The following PLPP7 variants were observed in gnomAD, a reference collection of about 807,000 sequenced individuals.
PLPP7 encodes the protein inactive phospholipid phosphatase 7.
PLPP7 carries 11 observed loss-of-function variants against 16.9 expected under a neutral mutation model. The observed-to-expected ratio is 0.65, with a 90% CI of 0.41 to 1.08. The LOEUF (loss-of-function observed/expected upper bound fraction) is 1.08. Ranked by LOEUF, PLPP7 falls within the 50% of genes least tolerant of loss-of-function variation. The probability of loss-of-function intolerance (pLI) is 0.00; values close to 1 mark genes in which losing one functional copy is unlikely to be tolerated. For missense variants in PLPP7, 358 were observed against 397.1 expected, an observed-to-expected ratio of 0.90 and a Z score of 0.84; for synonymous variants, 174 against 175.1, an observed-to-expected ratio of 0.99 and a Z score of 0.05.
chr9:131,299,255 A>T (rs541040233), intron 1 of PLPP7, among the ~76,000 whole-genome samples: 31 of 152,258 alleles, frequency 2.0e-4, no homozygotes, highest in African/African-American at 7.2e-4. Context: ...AAACGTGCAC[A>T]TAGCAGGTCC....
Position 131,290,590 on chromosome 9 carries a change from C to G in PLPP7, c.451+142C>G, listed in dbSNP as rs1206405825. On this transcript the variant is annotated intron_variant, in intron 1 of 1. Coordinates refer to ENST00000372264, the MANE Select transcript of PLPP7 (RefSeq NM_032728.4). The surrounding 1 kb of genome is among the most constrained non-coding windows in gnomAD (Gnocchi z 4.2). ...AATGAGGTTAGGCAGGAAGGGTGCC[C>G]CAGAAACAGGCAGGCTCCGGCGTGG... 5.2e-6 allele frequency: 4 copies of G among 773,356 alleles called. No homozygotes were observed. In the Admixed American group the frequency reaches 1.4e-4, roughly 26 times the overall value. 47.9% of individuals were successfully genotyped at this position (773,356 alleles called of 1,614,324 possible). A position where few individuals can be genotyped will look rare whatever the true frequency, so the allele number is the denominator to read the frequency against.
chr9:131,301,165 C>G (rs1419382651), intron 1 of PLPP7, among the ~76,000 whole-genome samples: 3 of 152,092 alleles, frequency 2.0e-5, no homozygotes, highest in Non-Finnish European at 4.4e-5. Flanking sequence ...GATGGGTTTT[C>G]TCCATGTTGG....
At position 131,290,022 on chromosome 9, in the gene PLPP7, C is replaced by T. The variant is rs745616993; in HGVS notation, c.25C>T (p.Arg9Cys). Residue 9 changes from arginine to cysteine, a missense_variant, in exon 1 of 2, where the codon CGT (arginine) becomes TGT (cysteine). Physicochemically the swap from Arg to Cys is radical, Grantham distance 180. Transcript: ENST00000372264. The surrounding 1 kb of genome is among the most constrained non-coding windows in gnomAD (Gnocchi z 4.2). Reference sequence around the variant, plus strand: ...CATGCCAGCTTCCCAGAGCCGGGCCCGTGCCCGGGACCGCAACAACGTCCT... The same window carrying T: ...CATGCCAGCTTCCCAGAGCCGGGCCTGTGCCCGGGACCGCAACAACGTCCT... MPASQSRA[R>C]ARDRNNVLNR... 9.8e-6 allele frequency: 14 copies of T among 1,432,924 alleles called. No individual in the cohort carries two copies. In the East Asian group the frequency reaches 2.4e-4, roughly 24 times the overall value. 88.8% of individuals were successfully genotyped at this position (1,432,924 alleles called of 1,614,324 possible). A position where few individuals can be genotyped will look rare whatever the true frequency, so the allele number is the denominator to read the frequency against.
At chr9:131,304,342 G>A (rs576389436) in intron 1 of PLPP7, among the ~76,000 whole-genome samples, 1 of 152,332 alleles carries the variant, frequency 6.6e-6, no homozygotes, top group South Asian at 2.1e-4. Context: ...TCCGAAATGG[G>A]GAAAGAAAGG....
intron 1 of PLPP7, among the ~76,000 whole-genome samples, chr9:131,294,651 TTTTGTTTGTTTGTTTG>T (rs201869319): frequency 2.0e-5 from 3 of 151,864 alleles, no homozygotes; most frequent in Non-Finnish European, 2.9e-5. Flanking sequence ...GAAAGTATCT[TTTTGTTTGTTTGTTTG>T]TTTGTTTGTT....
rs551359418 is a variant in PLPP7 at position 131,300,205 on chromosome 9, A to G, written c.452-7718A>G. 2.2e-3 allele frequency among the ~76,000 whole-genome samples: 338 copies of G among 152,340 alleles called. 1 individual carries two copies. Among genetic ancestry groups the G allele is most frequent in the African/African-American group, 7.8e-3 (326 of 41,564 alleles). On this transcript the variant is annotated intron_variant, in intron 1 of 1. Coordinates refer to ENST00000372264, the MANE Select transcript of PLPP7 (RefSeq NM_032728.4). ...CAAGGGAGCACATGCCTGGGAGGGC[A>G]GGAGGTGACCACACTCACCCTTTCG...
chr9:131,308,649 C>T lies in PLPP7; in HGVS notation c.*362C>T. 3.7e-6 allele frequency: 1 copy of T among 266,668 alleles called. No homozygotes were observed. Among genetic ancestry groups the T allele is most frequent in the Non-Finnish European group, 7.3e-6 (1 of 137,542 alleles). 16.5% of individuals were successfully genotyped at this position (266,668 alleles called of 1,614,324 possible). ...CTTTCATCATCATGACTGTTGAGTT[C>T]TTGGCTGTGCCCATCACGCCACAGC... On this transcript the variant is annotated 3_prime_UTR_variant, in exon 2 of 2. Coordinates refer to ENST00000372264, the MANE Select transcript of PLPP7 (RefSeq NM_032728.4).
chr9:131,299,655 C>T (rs1835774308), intron 1 of PLPP7, among the ~76,000 whole-genome samples: 1 of 152,124 alleles, frequency 6.6e-6, no homozygotes, highest in South Asian at 2.1e-4. Context: ...CAGACGGCTG[C>T]GGCATGGTGA....
rs1431202093 is a variant in PLPP7, at chr9:131,309,239, A to C, written c.*952A>C. The C allele has an allele frequency of 1.3e-5, 2 of 152,680 alleles. No individual in the cohort carries two copies. Among genetic ancestry groups the C allele is most frequent in the African/African-American group, 4.8e-5 (2 of 41,466 alleles). 9.5% of individuals were successfully genotyped at this position (152,680 alleles called of 1,614,324 possible). A position where few individuals can be genotyped will look rare whatever the true frequency, so the allele number is the denominator to read the frequency against. Reference sequence around the variant, plus strand: ...GTTTTGGATGTGCATTTCATGTGACAATACAGATGACATGCAAATGGCCCT... The same window carrying C: ...GTTTTGGATGTGCATTTCATGTGACCATACAGATGACATGCAAATGGCCCT... On this transcript the variant is annotated 3_prime_UTR_variant, in exon 2 of 2. Transcript: ENST00000372264.
chr9:131,291,261 C>G lies in PLPP7; in HGVS notation c.451+813C>G, dbSNP rs1251470520. 3 of 1,317,810 alleles carry G rather than the reference C, an allele frequency of 2.3e-6. No homozygotes were observed. In the African/African-American group the frequency reaches 4.5e-5, roughly 20 times the overall value. 81.6% of individuals were successfully genotyped at this position (1,317,810 alleles called of 1,614,324 possible). On this transcript the variant is annotated intron_variant, in intron 1 of 1. Transcript: ENST00000372264. ...CCCCAGGAAGCTTCCACCCTCCACG[C>G]CAGGCCCGCATCGATTTCCTTGTCT... is the stretch of plus-strand genomic sequence containing the variant.
At chr9:131,293,708 A>C (rs1835706545) in intron 1 of PLPP7, among the ~76,000 whole-genome samples, 1 of 152,204 alleles carries the variant, frequency 6.6e-6, no homozygotes, top group African/African-American at 2.4e-5. Context: ...CTGTACGCAC[A>C]TGCTCAAGTC....
intron 1 of PLPP7, among the ~76,000 whole-genome samples, chr9:131,292,009 A>G (rs562559985): frequency 6.6e-6 from 1 of 152,370 alleles, no homozygotes; most frequent in African/African-American, 2.4e-5. Flanking sequence ...TGAGGTTCCT[A>G]TAAATAAAGC....
At chr9:131,291,429 C>A (rs1366673314) in intron 1 of PLPP7, 8 of 1,144,614 alleles carry the variant, frequency 7.0e-6, no homozygotes, top group Non-Finnish European at 8.7e-6. Flanking sequence ...AATAAAAACA[C>A]GTATCTCCCT....
At chr9:131,304,741 AC>A (rs1835835484) in intron 1 of PLPP7, among the ~76,000 whole-genome samples, 1 of 152,240 alleles carries the variant, frequency 6.6e-6, no homozygotes, top group Non-Finnish European at 1.5e-5. Context: ...GTTTCTAGCC[AC>A]GGGGAAAAAA....
Position 131,290,692 on chromosome 9 carries a change from G to T in PLPP7, c.451+244G>T, listed in dbSNP as rs1564244969. On this transcript the variant is annotated intron_variant, in intron 1 of 1. Transcript: ENST00000372264. The surrounding 1 kb of genome is among the most constrained non-coding windows in gnomAD (Gnocchi z 4.2). ...TGAAGACAGAGGCCATTGCGGCCCTGTGAGAAGGACCTGCTCAGCAAAAGG... is the reference window on the plus strand; with the variant it reads ...TGAAGACAGAGGCCATTGCGGCCCTTTGAGAAGGACCTGCTCAGCAAAAGG... Among the ~76,000 whole-genome samples, 1 of 152,240 alleles carries T rather than the reference G, an allele frequency of 6.6e-6. No individual in the cohort carries two copies. Among genetic ancestry groups the T allele is most frequent in the African/African-American group, 2.4e-5 (1 of 41,468 alleles).
chr9:131,294,029 G>T (rs145586251), intron 1 of PLPP7, among the ~76,000 whole-genome samples: 20 of 152,304 alleles, frequency 1.3e-4, no homozygotes, highest in African/African-American at 4.3e-4. Flanking sequence ...GCAGCTACGA[G>T]GCCTAGGAAG....
intron 1 of PLPP7, among the ~76,000 whole-genome samples, chr9:131,302,183 C>A (rs1835806459): frequency 6.6e-6 from 1 of 152,158 alleles, no homozygotes; most frequent in Non-Finnish European, 1.5e-5. Context: ...CTCCTCAAAG[C>A]CCCAGCCAGT....
chr9:131,290,298 G>T lies in PLPP7; in HGVS notation c.301G>T (p.Gly101Cys). The T allele has an allele frequency of 2.5e-6, 4 of 1,612,008 alleles. No homozygotes were observed. Among genetic ancestry groups the T allele is most frequent in the Non-Finnish European group, 3.4e-6 (4 of 1,179,154 alleles). ...CMSKRLGVCA[G>C]RAASWASARS... ...GTCCAAGCGGCTGGGGGTGTGCGCT[G>T]GCCGGGCGGCGTCCTGGGCCAGTGC... Residue 101 changes from glycine to cysteine, a missense_variant, in exon 1 of 2, where the codon GGC becomes TGC. Coordinates refer to ENST00000372264, the MANE Select transcript of PLPP7 (RefSeq NM_032728.4). This position sits in a 1 kb window ranked among gnomAD's most constrained non-coding sequence, Gnocchi z 4.2.
At position 131,289,810 on chromosome 9, in the gene PLPP7, G is replaced by A. The variant is rs28461262; in HGVS notation, c.-188G>A. The A allele has an allele frequency of 8.4e-4, 370 of 440,242 alleles. 1 individual carries two copies. Among genetic ancestry groups the A allele is most frequent in the African/African-American group, 6.9e-3 (339 of 49,448 alleles). 27.3% of individuals were successfully genotyped at this position (440,242 alleles called of 1,614,324 possible). ...GATTGGCTGCCCGGCTGGCACTGAC[G>A]TCCCCTTGGAGCTGGGTGGCAGAGG... On this transcript the variant is annotated 5_prime_UTR_variant, in exon 1 of 2. Coordinates refer to ENST00000372264, the MANE Select transcript of PLPP7 (RefSeq NM_032728.4).
Sources: gnomAD v4.1 joint callset for allele counts (sites outside exome capture counted in the v4.1 genomes callset) on GRCh38, gnomAD v4.1.1 for gene constraint, Gnocchi (gnomAD v3.1) non-coding constraint, MANE v1.5 for transcripts, NCBI Gene and HGNC (gene_info 2026-07-23, HGNC 2026-07-21) for gene names.